Variants in GPSM2 observed in about 807,000 individuals in gnomAD.
GPSM2 encodes G protein-signaling modulator 2.
In GPSM2, 58 loss-of-function variants were observed where a neutral mutation model predicts 78.4. The ratio of observed to expected loss-of-function variants is 0.74; its 90% CI spans 0.60 to 0.92. The LOEUF is 0.92. Ranked by LOEUF, GPSM2 falls within the 40% of genes least tolerant of loss-of-function variation. The pLI, the probability that GPSM2 is intolerant of heterozygous loss-of-function variation, is 0.00. For missense variants in GPSM2, 700 were observed against 815.5 expected (o/e 0.86, Z 1.73); for synonymous variants, 224 against 280.2 (o/e 0.80, Z 2.00).
In GPSM2 at chr1:108,931,514, C is replaced by A; in HGVS notation, c.*1574C>A. ...GGATGGGATCTGGGGATGTGGACCC[C>A]TATTCTTTCAAAAAGTCATTCAGGT... On this transcript the variant is annotated 3_prime_UTR_variant, in exon 15 of 15. Transcript: ENST00000264126. 6.5e-7 allele frequency: 1 copy of A among 1,534,448 alleles called. No individual in the cohort carries two copies. The highest frequency in any genetic ancestry group is 8.8e-7 in the Non-Finnish European group (1 of 1,138,752).
Position 108,931,219 on chromosome 1 carries a change from CAGAAAACAGA to C in GPSM2, c.*1280_*1289del, listed in dbSNP as rs1294367479. 1.1e-5 allele frequency: 15 copies of C among 1,315,496 alleles called. No individual in the cohort carries two copies. The South Asian group carries it at 2.2e-4, about 19-fold the overall frequency. 81.5% of individuals were successfully genotyped at this position (1,315,496 alleles called of 1,614,324 possible). On this transcript the variant is annotated 3_prime_UTR_variant, in exon 15 of 15. Coordinates refer to ENST00000264126, the MANE Select transcript of GPSM2 (RefSeq NM_013296.5). ...CAAGAACCTAGGACACATAAACAAA[CAGAAAACAGA>C]TGAAAACTCACAAAAATTAAATATG...
chr1:108,922,272 T>C, intron 12 of GPSM2, 145 bp from the exon 13 acceptor site: 1 of 641,142 alleles, frequency 1.6e-6, no homozygotes, highest in South Asian at 1.8e-5. Context: ...TTACCAATAT[T>C]TGCCATCTTG....
intron 12 of GPSM2, among the ~76,000 whole-genome samples, chr1:108,920,463 T>C (rs1169574159): frequency 1.3e-5 from 2 of 152,008 alleles, no homozygotes; most frequent in Non-Finnish European, 2.9e-5. Flanking sequence ...AGTGAGACTC[T>C]GTCTTAAAAA....
intron 12 of GPSM2, among the ~76,000 whole-genome samples, chr1:108,921,291 G>A (rs1570950860): frequency 2.0e-5 from 3 of 152,012 alleles, no homozygotes; most frequent in Non-Finnish European, 4.4e-5. Context: ...GTGGTGGCAC[G>A]CACCTGTAGT....
intron 11 of GPSM2, among the ~76,000 whole-genome samples, chr1:108,915,243 C>T (rs1013417786): frequency 2.7e-5 from 4 of 150,272 alleles, no homozygotes; most frequent in Middle Eastern, 3.4e-3. Flanking sequence ...TGGTGGTGTC[C>T]GCCTATAGTC....
At chr1:108,899,767 T>G (rs1053606373) in intron 7 of GPSM2, among the ~76,000 whole-genome samples, 2 of 152,202 alleles carry the variant, frequency 1.3e-5, no homozygotes, top group Non-Finnish European at 1.5e-5. Flanking sequence ...TGATTTGTAT[T>G]TTGTTAAAGA....
chr1:108,893,862 C>T (rs1452889776), intron 2 of GPSM2, among the ~76,000 whole-genome samples: 4 of 151,984 alleles, frequency 2.6e-5, no homozygotes, highest in Admixed American at 2.0e-4. Context: ...GGAGACCAGC[C>T]TGGCCAACAT....
At chr1:108,927,059 G>A (rs1441259802) in intron 14 of GPSM2, among the ~76,000 whole-genome samples, 1 of 152,056 alleles carries the variant, frequency 6.6e-6, no homozygotes, top group East Asian at 1.9e-4. Flanking sequence ...ATTTAAAATA[G>A]CATCAAAAAG....
At position 108,898,937 on chromosome 1, in the gene GPSM2, AC is replaced by A. The variant is rs528069912; in HGVS notation, c.742del (p.Gly249GlufsTer32). 1.9e-4 allele frequency: 313 copies of A among 1,613,210 alleles called. No homozygotes were observed. The highest frequency in any genetic ancestry group is 2.5e-4 in the Non-Finnish European group (299 of 1,179,272). On this transcript the variant is annotated frameshift_variant, in exon 7 of 15. Transcript: ENST00000264126. LOFTEE classifies it high-confidence loss of function. The part of the protein sequence containing the change: ...DKAAERRAYS[N>X]LGNAYIFLGE... The stretch of plus-strand genomic sequence containing the variant: ...GCAGCTGAAAGAAGAGCATATAGCA[AC>A]CTTGGAAATGCATATATATTTCTTG...
rs183651017 is a variant in GPSM2, at chr1:108,890,033, T to G, written c.56+4455T>G. 1.2e-4 allele frequency among the ~76,000 whole-genome samples: 19 copies of G among 152,298 alleles called. No individual in the cohort carries two copies. In the East Asian group the frequency reaches 2.9e-3, roughly 23 times the overall value. On this transcript the variant is annotated intron_variant, in intron 2 of 14. Transcript: ENST00000264126. The stretch of plus-strand genomic sequence containing the variant: ...ACTTTCTTTGTTTAGCTAATTCTAC[T>G]CTAAGATACAGCTCGGAGATTATCT...
chr1:108,884,246 C>G (rs1425615085), intron 1 of GPSM2, among the ~76,000 whole-genome samples: 1 of 152,070 alleles, frequency 6.6e-6, no homozygotes, highest in African/African-American at 2.4e-5. Flanking sequence ...CTGGCCCTAA[C>G]TAGTACATTG....
At chr1:108,906,522 C>G (rs1372859615) in intron 10 of GPSM2, among the ~76,000 whole-genome samples, 2 of 151,306 alleles carry the variant, frequency 1.3e-5, no homozygotes, top group African/African-American at 4.9e-5. Flanking sequence ...TTCTGCATCT[C>G]TCACACTTAC....
chr1:108,907,063 A>G (rs145015533), intron 10 of GPSM2, among the ~76,000 whole-genome samples: 12 of 152,236 alleles, frequency 7.9e-5, no homozygotes, highest in Admixed American at 4.6e-4. Flanking sequence ...GAAAGGCCCT[A>G]TGTAATCTGA....
At chr1:108,894,198 GT>G (rs1648186911) in intron 2 of GPSM2, among the ~76,000 whole-genome samples, 1 of 152,082 alleles carries the variant, frequency 6.6e-6, no homozygotes, top group Non-Finnish European at 1.5e-5. Flanking sequence ...CTAAAGGGCA[GT>G]TTTCATTTTT....
At chr1:108,907,132 A>G (rs1348205572) in intron 10 of GPSM2, among the ~76,000 whole-genome samples, 1 of 152,160 alleles carries the variant, frequency 6.6e-6, no homozygotes, top group Non-Finnish European at 1.5e-5. Context: ...TGGCTGTATG[A>G]AGACAGGTGT....
chr1:108,922,659 C>A, intron 13 of GPSM2, 83 bp downstream of exon 13: 2 of 1,099,002 alleles, frequency 1.8e-6, no homozygotes, highest in African/African-American at 1.5e-5. Flanking sequence ...GAATTCCCAT[C>A]ATAAGAGATA....
chr1:108,903,080 G>C (rs1237811628), intron 8 of GPSM2, 46 bp from the exon 9 acceptor site: 10 of 1,099,762 alleles, frequency 9.1e-6, no homozygotes, highest in Non-Finnish European at 1.4e-5. Flanking sequence ...CTATACATAG[G>C]ACCTCTTTTC....
At chr1:108,927,210 C>T (rs758741553) in intron 14 of GPSM2, among the ~76,000 whole-genome samples, 7 of 152,104 alleles carry the variant, frequency 4.6e-5, no homozygotes, top group Non-Finnish European at 8.8e-5. Context: ...GTTAACATTT[C>T]GATACTATCC....
intron 2 of GPSM2, among the ~76,000 whole-genome samples, chr1:108,888,556 TCTCGAACTCCTGGG>T (rs1463844702): frequency 2.0e-5 from 3 of 152,138 alleles, no homozygotes; most frequent in Admixed American, 6.5e-5. Flanking sequence ...CCTAGGCTGG[TCTCGAACTCCTGGG>T]CTCAAGCAGT....
Sources: allele counts gnomAD v4.1 joint callset (sites outside exome capture counted in the v4.1 genomes callset), GRCh38; gene constraint gnomAD v4.1.1; transcripts MANE v1.5; gene names NCBI Gene and HGNC (gene_info 2026-07-23, HGNC 2026-07-21).